NRG1: variants seen among roughly 807,000 people sequenced by gnomAD.
NRG1 encodes pro-neuregulin-1, membrane-bound isoform.
In NRG1, 18 loss-of-function variants were observed where a neutral mutation model predicts 63.8. The ratio of observed to expected loss-of-function variants is 0.28; its 90% CI spans 0.19 to 0.42. The LOEUF (loss-of-function observed/expected upper bound fraction) is 0.42, where lower values mean the gene tolerates loss of function less well. NRG1 is among the 10% of genes least tolerant of loss of function. NRG1 has a pLI of 1.00. For synonymous variants in NRG1, 302 were observed against 301.3 expected, an observed-to-expected ratio of 1.00 and a Z score of -0.02; for missense variants, 762 against 814.7, an observed-to-expected ratio of 0.94 and a Z score of 0.79.
intron 5 of NRG1, among the ~76,000 whole-genome samples, chr8:32,626,259 C>T (rs1026417314): frequency 6.0e-5 from 9 of 149,312 alleles, no homozygotes; most frequent in African/African-American, 1.5e-4. Flanking sequence ...TGAAGGAGTT[C>T]GCAGCAAAGT....
At chr8:31,977,700 T>C (rs2129630114) in intron 1 of NRG1, among the ~76,000 whole-genome samples, 1 of 152,230 alleles carries the variant, frequency 6.6e-6, no homozygotes, top group African/African-American at 2.4e-5. Context: ...GCAATTATAA[T>C]AATGGAAAAC....
At chr8:31,852,189 C>A (rs1233221537) in intron 1 of NRG1, among the ~76,000 whole-genome samples, 1 of 152,226 alleles carries the variant, frequency 6.6e-6, no homozygotes, top group African/African-American at 2.4e-5. Context: ...GCCACACCAA[C>A]TTCCACAATG....
chr8:31,725,560 C>T (rs750374174), intron 1 of NRG1, among the ~76,000 whole-genome samples: 5 of 152,116 alleles, frequency 3.3e-5, no homozygotes, highest in Admixed American at 3.3e-4. Context: ...ACACAGATGA[C>T]TCTCAGTTTG....
At chr8:32,087,041 C>T (rs776413732) in intron 1 of NRG1, among the ~76,000 whole-genome samples, 1 of 152,178 alleles carries the variant, frequency 6.6e-6, no homozygotes, top group Non-Finnish European at 1.5e-5. Flanking sequence ...CCATTTCTCC[C>T]ACTTCCCAGC....
chr8:32,097,269 C>T (rs545796402), intron 1 of NRG1, among the ~76,000 whole-genome samples: 3 of 152,138 alleles, frequency 2.0e-5, no homozygotes, highest in Non-Finnish European at 4.4e-5. Context: ...AGGTTACTTT[C>T]ATATACTGTT....
intron 1 of NRG1, among the ~76,000 whole-genome samples, chr8:31,872,167 C>T (rs1304497741): frequency 6.6e-6 from 1 of 152,114 alleles, no homozygotes; most frequent in South Asian, 2.1e-4. Flanking sequence ...GTGGGGATGG[C>T]GAATGAACTT....
intron 1 of NRG1, among the ~76,000 whole-genome samples, chr8:32,330,553 A>G (rs897090791): frequency 2.6e-5 from 4 of 152,202 alleles, no homozygotes; most frequent in Admixed American, 6.5e-5. Flanking sequence ...TAGAGCTGGG[A>G]TGGCCCTTCA....
chr8:32,555,810 T>G lies in NRG1; in HGVS notation c.100+6984T>G, dbSNP rs144977826. Among the ~76,000 whole-genome samples the G allele has an allele frequency of 2.4e-3, 363 of 152,362 alleles. 2 individuals are homozygous for G. Among genetic ancestry groups the G allele is most frequent in the African/African-American group, 8.5e-3 (352 of 41,570 alleles). On this transcript the variant is annotated intron_variant, in intron 1 of 11. Transcript: ENST00000356819. Reference sequence around the variant, plus strand: ...ATATGGTCACACAGGCCTTGTTATTTATGGTTTACCTGCTTATGTTAATTC... The same window carrying G: ...ATATGGTCACACAGGCCTTGTTATTGATGGTTTACCTGCTTATGTTAATTC...
chr8:32,144,035 A>T (rs1207398291), intron 1 of NRG1, among the ~76,000 whole-genome samples: 2 of 152,194 alleles, frequency 1.3e-5, no homozygotes, highest in Non-Finnish European at 2.9e-5. Flanking sequence ...AAATGGGAAA[A>T]GCAGTTAGAA....
At chr8:32,442,743 A>ATT (rs1335924940) in intron 1 of NRG1, 1 of 152,236 alleles carries the variant, frequency 6.6e-6, no homozygotes, top group African/African-American at 2.4e-5. Context: ...AGGACATGCC[A>ATT]TTAAAAGCAG....
chr8:32,126,442 A>C (rs1014803587), intron 1 of NRG1, among the ~76,000 whole-genome samples: 1 of 151,870 alleles, frequency 6.6e-6, no homozygotes, highest in Non-Finnish European at 1.5e-5. Flanking sequence ...TACAAGGTTA[A>C]TGTCTCTCCT....
intron 1 of NRG1, among the ~76,000 whole-genome samples, chr8:32,404,743 C>T (rs1813723645): frequency 6.6e-6 from 1 of 151,952 alleles, no homozygotes; most frequent in Admixed American, 6.6e-5. Flanking sequence ...CACCACCACA[C>T]CCAGCTAATT....
intron 1 of NRG1, among the ~76,000 whole-genome samples, chr8:31,737,906 T>C (rs1814852284): frequency 6.6e-6 from 1 of 152,136 alleles, no homozygotes; most frequent in South Asian, 2.1e-4. Flanking sequence ...AGTCATCTAG[T>C]AAAGAATTCT....
intron 1 of NRG1, among the ~76,000 whole-genome samples, chr8:31,899,486 G>A (rs950748261): frequency 6.6e-6 from 1 of 152,056 alleles, no homozygotes; most frequent in Admixed American, 6.6e-5. Context: ...AATTTTGTTA[G>A]GGTACAGGGT....
chr8:32,406,397 A>T (rs1813990131), intron 1 of NRG1, among the ~76,000 whole-genome samples: 2 of 152,206 alleles, frequency 1.3e-5, no homozygotes. Flanking sequence ...TGTTGTGAAG[A>T]TTAAAATAAA....
chr8:31,855,776 C>T (rs1284404538), intron 1 of NRG1, among the ~76,000 whole-genome samples: 1 of 152,092 alleles, frequency 6.6e-6, no homozygotes, highest in Non-Finnish European at 1.5e-5. Flanking sequence ...ATGTTTAGCG[C>T]TTCCTTCAGG....
chr8:31,741,779 G>A lies in NRG1; in HGVS notation c.37+102348G>A, dbSNP rs191296884. On this transcript the variant is annotated intron_variant, in intron 1 of 10. Coordinates refer to the NRG1 transcript ENST00000519301. ...ATACAATTGCTTTGGAAATAATTTG[G>A]CATTAGCTGTAAAGTTTGAAGATAG... Among the ~76,000 whole-genome samples the A allele has an allele frequency of 3.4e-4, 51 of 152,054 alleles. 1 individual carries two copies. The highest frequency in any genetic ancestry group is 3.4e-3 in the Middle Eastern group (1 of 294).
rs1831539523 is a variant in NRG1 at position 32,532,382 on chromosome 8, G to A, written c.38-63446G>A. ...TTCCAAAACTGTCCTTGCAGTTAAG[G>A]TGCTGTTAATTCAAAGTACCTATGA... On this transcript the variant is annotated intron_variant, in intron 1 of 10. Transcript: ENST00000519301. Among the ~76,000 whole-genome samples the A allele has an allele frequency of 3.9e-5, 6 of 152,100 alleles. No individual in the cohort carries two copies. The South Asian group carries it at 1.2e-3, about 32-fold the overall frequency.
chr8:32,186,522 G>A (rs74708854), intron 1 of NRG1, among the ~76,000 whole-genome samples: 6,378 of 151,604 alleles, frequency 0.042, 199 homozygotes, highest in Middle Eastern at 0.093. Flanking sequence ...GAAATGATTC[G>A]CATTGTAGGG....
Sources: gnomAD v4.1 joint callset for allele counts (sites outside exome capture counted in the v4.1 genomes callset) on GRCh38, gnomAD v4.1.1 for gene constraint, MANE v1.5 for transcripts, NCBI Gene and HGNC (gene_info 2026-07-23, HGNC 2026-07-21) for gene names.